PATJ: variants seen among roughly 807,000 people sequenced by gnomAD.
The protein encoded by PATJ is inaD-like protein.
Under a neutral mutation model 224.9 loss-of-function variants are expected in PATJ, and 190 were observed. The observed-to-expected ratio is 0.84, with a 90% CI of 0.75 to 0.95. The LOEUF (loss-of-function observed/expected upper bound fraction) is 0.95. Among genes scored for constraint, PATJ ranks in the 40% least tolerant of loss-of-function variants. PATJ has a pLI of 0.00. For synonymous variants in PATJ, 769 were observed against 820.3 expected (o/e 0.94, Z 1.07); for missense variants, 2,121 against 2,270.3 (o/e 0.93, Z 1.34).
intron 13 of PATJ, among the ~76,000 whole-genome samples, chr1:61,807,991 T>G (rs1056924973): frequency 6.6e-6 from 1 of 152,212 alleles, no homozygotes; most frequent in Non-Finnish European, 1.5e-5. Context: ...CTTTGCCAGC[T>G]ATTTCTCCTG....
chr1:61,859,639 A>T (rs1362205420), intron 18 of PATJ, among the ~76,000 whole-genome samples: 1 of 151,588 alleles, frequency 6.6e-6, no homozygotes, highest in East Asian at 1.9e-4. Flanking sequence ...GTTTTTTGAG[A>T]TGGAGTTTCA....
intron 1 of PATJ, among the ~76,000 whole-genome samples, chr1:61,755,089 C>T (rs776011063): frequency 9.9e-5 from 15 of 151,790 alleles, no homozygotes; most frequent in South Asian, 6.3e-4. Context: ...GGGTTGGTCA[C>T]GAGGTCAGGA....
intron 8 of PATJ, 54 bp downstream of exon 8, chr1:61,788,026 T>C: frequency 7.2e-7 from 1 of 1,387,580 alleles, no homozygotes; most frequent in Middle Eastern, 2.6e-4. Flanking sequence ...TGTGACACAC[T>C]GTAAGATAAG....
At chr1:61,912,236 T>C (rs1312185557) in intron 25 of PATJ, among the ~76,000 whole-genome samples, 2 of 152,178 alleles carry the variant, frequency 1.3e-5, no homozygotes, top group South Asian at 2.1e-4. Context: ...TGGAGTCTCA[T>C]TGAGCATTTT....
chr1:62,117,129 A>C lies in PATJ; in HGVS notation c.4804-3A>C. ...ATTTCTGTTCTTTTCTTGCCTTTCC[A>C]AGTGTGCACAGGGACTTGTGCAGCT... On this transcript the variant is annotated splice_polypyrimidine_tract_variant and splice_region_variant and intron_variant, in intron 36 of 43. Coordinates refer to ENST00000642238, the MANE Select transcript of PATJ (RefSeq NM_001350145.3). The C allele has an allele frequency of 1.9e-6, 3 of 1,612,560 alleles. No individual in the cohort carries two copies. Among genetic ancestry groups the C allele is most frequent in the Non-Finnish European group, 2.5e-6 (3 of 1,178,928 alleles).
At chr1:61,819,786 T>G (rs900154513) in intron 14 of PATJ, among the ~76,000 whole-genome samples, 1 of 151,942 alleles carries the variant, frequency 6.6e-6, no homozygotes, top group African/African-American at 2.4e-5. Flanking sequence ...TCTGTAGGAG[T>G]AAGACTGTTT....
chr1:61,954,731 A>G (rs986492354), intron 27 of PATJ, among the ~76,000 whole-genome samples: 4 of 149,370 alleles, frequency 2.7e-5, no homozygotes, highest in Non-Finnish European at 5.9e-5. Context: ...TTTTTCTTAC[A>G]TTTATGATAT....
intron 41 of PATJ, among the ~76,000 whole-genome samples, chr1:62,144,776 AAATATATAT>A (rs976245558): frequency 1.0e-5 from 1 of 95,710 alleles, no homozygotes; most frequent in Non-Finnish European, 2.1e-5. Flanking sequence ...CAAAAAAAAA[AAATATATAT>A]ATATATATAT....
At chr1:61,898,465 T>TG (rs1201501751) in intron 22 of PATJ, among the ~76,000 whole-genome samples, 1 of 152,008 alleles carries the variant, frequency 6.6e-6, no homozygotes, top group African/African-American at 2.4e-5. Context: ...CTTGACCTCT[T>TG]GGGCTCAAGT....
intron 41 of PATJ, among the ~76,000 whole-genome samples, chr1:62,145,185 C>T (rs928571948): frequency 2.0e-5 from 3 of 152,246 alleles, no homozygotes; most frequent in African/African-American, 4.8e-5. Context: ...TTCATCCATT[C>T]TTTCATTCAC....
At chr1:62,033,935 T>G (rs1357858370) in intron 29 of PATJ, among the ~76,000 whole-genome samples, 1 of 152,136 alleles carries the variant, frequency 6.6e-6, no homozygotes, top group Non-Finnish European at 1.5e-5. Context: ...GCACAAGTAA[T>G]TTTAACAGAG....
At chr1:61,965,673 C>T (rs1682025763) in intron 27 of PATJ, among the ~76,000 whole-genome samples, 1 of 152,166 alleles carries the variant, frequency 6.6e-6, no homozygotes, top group African/African-American at 2.4e-5. Flanking sequence ...GAAGGCATAG[C>T]ACCCAAATGC....
In PATJ at chr1:62,071,201, C is replaced by T. The variant is rs183329147; in HGVS notation, c.4126-8249C>T. On this transcript the variant is annotated intron_variant, in intron 31 of 43. Transcript: ENST00000642238. ...AAAAGTGTCCTTTCTAGGTCGCTTC[C>T]AAGACTCTTAGCACCGTGGTTATGG... Among the ~76,000 whole-genome samples, 34 of 152,280 alleles carry T rather than the reference C, an allele frequency of 2.2e-4. 1 individual carries two copies. In the East Asian group the frequency reaches 6.4e-3, roughly 28 times the overall value.
intron 27 of PATJ, among the ~76,000 whole-genome samples, chr1:61,980,109 A>C (rs1375299986): frequency 1.3e-5 from 2 of 151,912 alleles, no homozygotes; most frequent in Non-Finnish European, 2.9e-5. Flanking sequence ...TGTAGGGTGT[A>C]CTGAATCCCA....
At chr1:62,125,252 A>C (rs1379373597) in intron 39 of PATJ, among the ~76,000 whole-genome samples, 3 of 94,820 alleles carry the variant, frequency 3.2e-5, no homozygotes, top group African/African-American at 1.3e-4. Context: ...AAAAAAAAAA[A>C]ACAAAAAAAA....
At position 61,828,534 on chromosome 1, in the gene PATJ, C is replaced by T. The variant is rs573901301; in HGVS notation, c.1980+951C>T. Reference sequence around the variant, plus strand: ...CCTCCCAAGTAGCTGGGACCACAGGCACATGCCACCACACCCAGCTAACTA... The same window carrying T: ...CCTCCCAAGTAGCTGGGACCACAGGTACATGCCACCACACCCAGCTAACTA... On this transcript the variant is annotated intron_variant, in intron 16 of 43. Transcript: ENST00000642238. 3.3e-5 allele frequency among the ~76,000 whole-genome samples: 5 copies of T among 151,874 alleles called. No homozygotes were observed. The East Asian group carries it at 9.8e-4, about 30-fold the overall frequency.
rs984440016 is a variant in PATJ at position 62,153,276 on chromosome 1, C to G, written c.5379-82C>G. 7.7e-5 allele frequency: 84 copies of G among 1,084,508 alleles called. No homozygotes were observed. The African/African-American group carries it at 1.2e-3, about 16-fold the overall frequency. 67.2% of individuals were successfully genotyped at this position (1,084,508 alleles called of 1,614,324 possible). On this transcript the variant is annotated intron_variant, in intron 42 of 43. Coordinates refer to ENST00000642238, the MANE Select transcript of PATJ (RefSeq NM_001350145.3). ...ATAGTTTTGCAGTATGAAAGTCTCTCTCAAATCTGTATTCTTCCAATTAAA... is the reference window on the plus strand; with the variant it reads ...ATAGTTTTGCAGTATGAAAGTCTCTGTCAAATCTGTATTCTTCCAATTAAA...
At chr1:62,011,690 A>G (rs1274691047) in intron 28 of PATJ, among the ~76,000 whole-genome samples, 3 of 150,984 alleles carry the variant, frequency 2.0e-5, no homozygotes, top group Non-Finnish European at 4.4e-5. Flanking sequence ...GACTTGCTCA[A>G]TGCAGGGTTG....
At chr1:61,784,973 A>G (rs1282413112) in intron 7 of PATJ, among the ~76,000 whole-genome samples, 2 of 152,180 alleles carry the variant, frequency 1.3e-5, no homozygotes, top group Non-Finnish European at 2.9e-5. Flanking sequence ...AGTCCCTTCT[A>G]GTGGCTTCTG....
Sources: allele counts gnomAD v4.1 joint callset (sites outside exome capture counted in the v4.1 genomes callset), GRCh38; gene constraint gnomAD v4.1.1; transcripts MANE v1.5; gene names NCBI Gene and HGNC (gene_info 2026-07-23, HGNC 2026-07-21).